CHD2: variants seen among roughly 807,000 people sequenced by gnomAD.
CHD2 encodes the protein ATP-dependent chromatin remodeler CHD2.
In CHD2, 28 loss-of-function variants were observed where a neutral mutation model predicts 243.9. That is an observed-to-expected ratio of 0.11 (90% CI 0.09 to 0.16). The LOEUF (loss-of-function observed/expected upper bound fraction) is 0.16. Ranked by LOEUF, CHD2 falls within the 10% of genes least tolerant of loss-of-function variation. The pLI is 1.00. For synonymous variants in CHD2, 775 were observed against 779.0 expected (o/e 0.99, Z 0.09); for missense variants, 1,386 against 2,209.8 (o/e 0.63, Z 7.47).
chr15:92,998,410 T>C lies in CHD2; in HGVS notation c.3886-89T>C. ...TTGGGTGGTTGGGGAGGGAAAGGAC[T>C]GTGCTCAGTTTTTGTTGTCTCTGTT... On this transcript the variant is annotated intron_variant, in intron 30 of 38. Transcript: ENST00000394196. The surrounding 1 kb of genome is among the most constrained non-coding windows in gnomAD (Gnocchi z 5.1). 1 of 1,556,356 alleles carries C rather than the reference T, an allele frequency of 6.4e-7. No individual in the cohort carries two copies. Among genetic ancestry groups the C allele is most frequent in the South Asian group, 1.2e-5 (1 of 84,274 alleles).
intron 5 of CHD2, among the ~76,000 whole-genome samples, chr15:92,930,304 G>A (rs2053141607): frequency 6.6e-6 from 1 of 152,124 alleles, no homozygotes; most frequent in African/African-American, 2.4e-5. Context: ...GTTAAATGGT[G>A]CTATGCTTGA....
intron 2 of CHD2, among the ~76,000 whole-genome samples, chr15:92,918,393 T>TA (rs1231477222): frequency 3.3e-5 from 5 of 152,232 alleles, no homozygotes; most frequent in Non-Finnish European, 7.3e-5. Context: ...ATTTGTTAAG[T>TA]AAAAAATTAT....
chr15:92,903,913 T>C (rs1422429465), intron 2 of CHD2, among the ~76,000 whole-genome samples: 1 of 152,216 alleles, frequency 6.6e-6, no homozygotes, highest in Non-Finnish European at 1.5e-5. Flanking sequence ...CCAGATATTC[T>C]AAAAGGCTGG....
chr15:93,023,491 C>T (rs2054557203), intron 38 of CHD2, among the ~76,000 whole-genome samples: 1 of 152,142 alleles, frequency 6.6e-6, no homozygotes, highest in Non-Finnish European at 1.5e-5. Flanking sequence ...TGTACAGGTA[C>T]TTGACTACCT....
intron 16 of CHD2, among the ~76,000 whole-genome samples, chr15:92,966,137 C>T (rs2141828946): frequency 6.7e-6 from 1 of 149,550 alleles, no homozygotes; most frequent in Non-Finnish European, 1.5e-5. Context: ...GATCTTGGCT[C>T]ACTGCAACCT....
At chr15:92,960,959 C>G (rs1347666285) in intron 16 of CHD2, among the ~76,000 whole-genome samples, 1 of 152,068 alleles carries the variant, frequency 6.6e-6, no homozygotes, top group Admixed American at 6.6e-5. Context: ...CGTAAGTGAT[C>G]TGCATCTGCC....
At chr15:92,909,242 T>C (rs2052683054) in intron 2 of CHD2, among the ~76,000 whole-genome samples, 1 of 152,220 alleles carries the variant, frequency 6.6e-6, no homozygotes, top group Non-Finnish European at 1.5e-5. Flanking sequence ...TAGTGTACTC[T>C]CCTTACATCC....
At chr15:92,946,578 C>A (rs973291380) in intron 12 of CHD2, 10 of 154,406 alleles carry the variant, frequency 6.5e-5, no homozygotes, top group Non-Finnish European at 1.0e-4. Flanking sequence ...CCTCTGCCTC[C>A]TGGGTTTAAG....
At chr15:92,932,742 C>T (rs2053194820) in intron 5 of CHD2, among the ~76,000 whole-genome samples, 1 of 152,078 alleles carries the variant, frequency 6.6e-6, no homozygotes, top group South Asian at 2.1e-4. Context: ...AGACCAATTA[C>T]CCCGTCACGA....
rs1191758593 is a variant in CHD2 at position 92,940,768 on chromosome 15, TATATAAAAA to T, written c.693-1039_693-1031del. On this transcript the variant is annotated intron_variant, in intron 7 of 38. Coordinates refer to ENST00000394196, the MANE Select transcript of CHD2 (RefSeq NM_001271.4). Reference sequence around the variant, plus strand: ...ATAGGAAGTTACATATATAAAAATATATATAAAAAATATAAAAAATATATAAATATATAA... The same window carrying T: ...ATAGGAAGTTACATATATAAAAATATATATAAAAAATATATAAATATATAA... Among the ~76,000 whole-genome samples, 359 of 141,826 alleles carry T rather than the reference TATATAAAAA, an allele frequency of 2.5e-3. 3 individuals are homozygous for T. Among genetic ancestry groups the T allele is most frequent in the African/African-American group, 6.4e-3 (247 of 38,680 alleles). 93.0% of individuals were successfully genotyped at this position (141,826 alleles called of 152,430 possible).
At chr15:92,975,926 A>G (rs944029504) in intron 20 of CHD2, among the ~76,000 whole-genome samples, 1 of 152,228 alleles carries the variant, frequency 6.6e-6, no homozygotes, top group African/African-American at 2.4e-5. Flanking sequence ...TCGGTCATCA[A>G]CTAATTCCCA....
chr15:92,966,040 A>G (rs1002502824), intron 16 of CHD2, among the ~76,000 whole-genome samples: 2 of 149,180 alleles, frequency 1.3e-5, no homozygotes, highest in African/African-American at 4.9e-5. Flanking sequence ...GAGATAGTTC[A>G]GTTTTCTTTC....
rs1243275651 is a variant in CHD2 at position 93,024,546 on chromosome 15, T to G, written c.5328T>G (p.Pro1776=). The change falls in exon 39 of 39, where the codon CCT becomes CCG. Residue 1776 remains proline (P), a synonymous_variant. Transcript: ENST00000394196. ...ATAAACTGGGGGAATATAAACAGCC[T>G]CTACCCCCATTGCACCCTGCAGTCT... The part of the protein sequence containing the change: ...HTDKLGEYKQ[P]LPPLHPAVSD... The G allele has an allele frequency of 3.1e-6, 5 of 1,614,046 alleles. No individual in the cohort carries two copies. The highest frequency in any genetic ancestry group is 1.6e-4 in the Middle Eastern group (1 of 6,084).
intron 34 of CHD2, among the ~76,000 whole-genome samples, chr15:93,008,528 G>A (rs976261055): frequency 6.6e-6 from 1 of 152,086 alleles, no homozygotes; most frequent in Non-Finnish European, 1.5e-5. Flanking sequence ...CTTCCCTCCT[G>A]GCTTCGAATT....
At position 93,015,681 on chromosome 15, in the gene CHD2, T is replaced by C. The variant is rs193094088; in HGVS notation, c.4906+772T>C. On this transcript the variant is annotated intron_variant, in intron 37 of 38. Coordinates refer to ENST00000394196, the MANE Select transcript of CHD2 (RefSeq NM_001271.4). ...ATGTAGCAGGAAGGCAAATGCTCGA[T>C]TAAAAAGTGGGTAAAGGACCTGAAT... is the stretch of plus-strand genomic sequence containing the variant. Among the ~76,000 whole-genome samples, 9 of 152,074 alleles carry C rather than the reference T, an allele frequency of 5.9e-5. No homozygotes were observed. In the East Asian group the frequency reaches 1.2e-3, roughly 20 times the overall value.
chr15:92,989,484 A>G (rs2054089724), intron 26 of CHD2, among the ~76,000 whole-genome samples: 1 of 152,118 alleles, frequency 6.6e-6, no homozygotes, highest in African/African-American at 2.4e-5. Flanking sequence ...ACTTTCCTGT[A>G]CTAGTTATCT....
chr15:92,911,575 T>C (rs1313538879), intron 2 of CHD2, among the ~76,000 whole-genome samples: 1 of 151,954 alleles, frequency 6.6e-6, no homozygotes, highest in Non-Finnish European at 1.5e-5. Flanking sequence ...CTGTGTCTAC[T>C]AAAAATACAA....
At chr15:92,928,445 C>T (rs1429899103) in intron 4 of CHD2, among the ~76,000 whole-genome samples, 4 of 152,202 alleles carry the variant, frequency 2.6e-5, no homozygotes, top group African/African-American at 9.6e-5. Flanking sequence ...GTAAGCTTTC[C>T]TTGGCCTAGT....
intron 38 of CHD2, among the ~76,000 whole-genome samples, chr15:93,023,919 T>C (rs939874268): frequency 2.9e-5 from 4 of 138,572 alleles, no homozygotes; most frequent in Non-Finnish European, 5.0e-5. Flanking sequence ...CAGTTTACCA[T>C]GGTCCAAGCT....
Sources: allele counts gnomAD v4.1 joint callset (sites outside exome capture counted in the v4.1 genomes callset), GRCh38; gene constraint gnomAD v4.1.1; non-coding constraint Gnocchi (gnomAD v3.1); transcripts MANE v1.5; gene names NCBI Gene and HGNC (gene_info 2026-07-23, HGNC 2026-07-21).